ATP6V0D1: variants seen among roughly 807,000 people sequenced by gnomAD.
ATP6V0D1 encodes V-type proton ATPase subunit d 1.
A neutral mutation model predicts 39.0 loss-of-function variants in ATP6V0D1; 13 were observed. That is an observed-to-expected ratio of 0.33 (90% CI 0.22 to 0.53). The LOEUF is 0.53. Ranked by LOEUF, ATP6V0D1 falls within the 20% of genes least tolerant of loss-of-function variation. The pLI, the probability that ATP6V0D1 is intolerant of heterozygous loss-of-function variation, is 0.94. For synonymous variants in ATP6V0D1, 191 were observed against 191.2 expected (o/e 1.00, Z 0.01); for missense variants, 272 against 470.9 (o/e 0.58, Z 3.91).
chr16:67,442,155 C>G (rs1023821631), intron 4 of ATP6V0D1, among the ~76,000 whole-genome samples: 1 of 152,276 alleles, frequency 6.6e-6, no homozygotes, highest in African/African-American at 2.4e-5. Context: ...TACCACCAAC[C>G]CTCACTGTGC....
intron 1 of ATP6V0D1, among the ~76,000 whole-genome samples, chr16:67,465,811 T>C (rs3892816): frequency 0.1 from 15,210 of 152,170 alleles, 1,347 homozygotes; most frequent in African/African-American, 0.24. Context: ...CTACCTCATC[T>C]GAGAAGGCCA....
At chr16:67,473,762 A>C (rs2041393683) in intron 1 of ATP6V0D1, among the ~76,000 whole-genome samples, 1 of 152,136 alleles carries the variant, frequency 6.6e-6, no homozygotes, top group Admixed American at 6.6e-5. Flanking sequence ...TGACCTCGTG[A>C]TCTGCCCACC....
intron 1 of ATP6V0D1, among the ~76,000 whole-genome samples, chr16:67,474,442 C>G (rs762345712): frequency 2.6e-5 from 4 of 152,234 alleles, no homozygotes; most frequent in Non-Finnish European, 5.9e-5. Flanking sequence ...TCACCTTCTT[C>G]TGTTCTCATT....
intron 1 of ATP6V0D1, among the ~76,000 whole-genome samples, chr16:67,468,140 A>T (rs1177379288): frequency 6.6e-6 from 1 of 152,102 alleles, no homozygotes; most frequent in Admixed American, 6.5e-5. Context: ...AAAAATAAAA[A>T]ATTAGCCAGA....
intron 2 of ATP6V0D1, among the ~76,000 whole-genome samples, chr16:67,451,504 T>C (rs1423558097): frequency 6.6e-6 from 1 of 151,458 alleles, no homozygotes; most frequent in Non-Finnish European, 1.5e-5. Context: ...ATTTCAGGGG[T>C]GGAGCAGTTC....
chr16:67,462,827 C>CAA (rs397969611), intron 1 of ATP6V0D1, among the ~76,000 whole-genome samples: 38 of 100,106 alleles, frequency 3.8e-4, no homozygotes, highest in African/African-American at 8.5e-4. Flanking sequence ...GACTCTGTCT[C>CAA]AAAAAAAAAA....
At chr16:67,466,921 C>T (rs1177282573) in intron 1 of ATP6V0D1, among the ~76,000 whole-genome samples, 1 of 152,164 alleles carries the variant, frequency 6.6e-6, no homozygotes, top group Non-Finnish European at 1.5e-5. Flanking sequence ...TGAGTGAAGA[C>T]AAAGCCTTCA....
chr16:67,466,990 T>C (rs751775116), intron 1 of ATP6V0D1, among the ~76,000 whole-genome samples: 6 of 152,044 alleles, frequency 3.9e-5, no homozygotes, highest in Non-Finnish European at 7.4e-5. Flanking sequence ...CCCTCTACAC[T>C]CTTGCTCTCC....
chr16:67,480,848 G>T, intron 1 of ATP6V0D1, 109 bp downstream of exon 1: 1 of 1,450,890 alleles, frequency 6.9e-7, no homozygotes, highest in South Asian at 1.3e-5. Flanking sequence ...GATTCCCAGA[G>T]AGGCCTCTCA....
intron 2 of ATP6V0D1, among the ~76,000 whole-genome samples, chr16:67,449,772 C>T (rs182150760): frequency 4.8e-3 from 727 of 152,380 alleles, no homozygotes; most frequent in Middle Eastern, 0.01. Flanking sequence ...CTGGTGCCAT[C>T]CCACTGCATC....
chr16:67,471,805 A>AT (rs1179419689), intron 1 of ATP6V0D1, among the ~76,000 whole-genome samples: 2 of 150,346 alleles, frequency 1.3e-5, no homozygotes, highest in South Asian at 2.1e-4. Flanking sequence ...CCATATTATT[A>AT]TTTTTTTAGA....
In ATP6V0D1 at chr16:67,447,703, G is replaced by C. The variant is rs188304218; in HGVS notation, c.303-2997C>G. On this transcript the variant is annotated intron_variant, in intron 2 of 7. Coordinates refer to ENST00000290949, the MANE Select transcript of ATP6V0D1 (RefSeq NM_004691.5). The surrounding 1 kb of genome is among the most constrained non-coding windows in gnomAD (Gnocchi z 4.1). Reference sequence around the variant, plus strand: ...TCAGCTTGGGCCCACAGACATCTTGGGTTGGAGTTTAGGAAGCCACTTCCT... The same window carrying C: ...TCAGCTTGGGCCCACAGACATCTTGCGTTGGAGTTTAGGAAGCCACTTCCT... Among the ~76,000 whole-genome samples, 1 of 152,300 alleles carries C rather than the reference G, an allele frequency of 6.6e-6. No homozygotes were observed. Among genetic ancestry groups the C allele is most frequent in the Non-Finnish European group, 1.5e-5 (1 of 68,018 alleles).
intron 1 of ATP6V0D1, among the ~76,000 whole-genome samples, chr16:67,464,139 G>A (rs1394139365): frequency 2.6e-5 from 4 of 152,192 alleles, no homozygotes; most frequent in African/African-American, 4.8e-5. Context: ...CAGCTCATCT[G>A]TATTCATCAG....
At chr16:67,452,520 G>C in intron 2 of ATP6V0D1, 2 of 863,546 alleles carry the variant, frequency 2.3e-6, no homozygotes, top group South Asian at 1.4e-5. Flanking sequence ...AAGGAAAAGA[G>C]TGGGGGCACC....
Position 67,453,646 on chromosome 16 carries a change from ACCGTCAGAGGTGATGC to A in ATP6V0D1, c.184_199del (p.Ala62CysfsTer19), listed in dbSNP as rs1161602176. The A allele has an allele frequency of 6.2e-7, 1 of 1,614,130 alleles. No individual in the cohort carries two copies. On this transcript the variant is annotated frameshift_variant, in exon 2 of 8. Transcript: ENST00000290949. LOFTEE classifies it high-confidence loss of function. This position sits in a 1 kb window ranked among gnomAD's most constrained non-coding sequence, Gnocchi z 4.1. ...CTTGAGCCGGTCATCGATGACTGAC[ACCGTCAGAGGTGATGC>A]CTCGTTGGCCAGGAAGTTACCATAA... is the stretch of plus-strand genomic sequence containing the variant.
chr16:67,462,718 C>T (rs932435319), intron 1 of ATP6V0D1, among the ~76,000 whole-genome samples: 2 of 152,000 alleles, frequency 1.3e-5, no homozygotes, highest in African/African-American at 4.8e-5. Flanking sequence ...GTCTCAGCTA[C>T]CTGGGAGGCT....
At chr16:67,467,677 G>A (rs2041341437) in intron 1 of ATP6V0D1, among the ~76,000 whole-genome samples, 1 of 152,216 alleles carries the variant, frequency 6.6e-6, no homozygotes, top group Non-Finnish European at 1.5e-5. Context: ...GGGAGCCATG[G>A]TCTGCCTGAT....
rs1240856135 is a variant in ATP6V0D1 at position 67,456,804 on chromosome 16, G to C, written c.131-3089C>G. The C allele has an allele frequency of 3.3e-5, 5 of 152,382 alleles. No individual in the cohort carries two copies. Among genetic ancestry groups the C allele is most frequent in the Non-Finnish European group, 7.3e-5 (5 of 68,184 alleles). The allele number at this position is 152,382 out of a possible 1,614,324, so 9.4% of individuals were successfully genotyped here. On this transcript the variant is annotated intron_variant, in intron 1 of 7. Transcript: ENST00000290949. This position sits in a 1 kb window ranked among gnomAD's most constrained non-coding sequence, Gnocchi z 4.1. ...ACTATTCCCTGGGACTGGGAGTCTGGACCCCGGTCTGGCCTCCTGATCCCT... is the reference window on the plus strand; with the variant it reads ...ACTATTCCCTGGGACTGGGAGTCTGCACCCCGGTCTGGCCTCCTGATCCCT...
intron 4 of ATP6V0D1, among the ~76,000 whole-genome samples, chr16:67,442,278 G>A (rs1355324266): frequency 6.6e-6 from 1 of 152,206 alleles, no homozygotes; most frequent in African/African-American, 2.4e-5. Context: ...ATAGACAGGT[G>A]AGGTCAGCAG....
Sources: allele counts gnomAD v4.1 joint callset (sites outside exome capture counted in the v4.1 genomes callset), GRCh38; gene constraint gnomAD v4.1.1; non-coding constraint Gnocchi (gnomAD v3.1); transcripts MANE v1.5; gene names NCBI Gene and HGNC (gene_info 2026-07-23, HGNC 2026-07-21).